Variants in GATA4 observed in about 807,000 individuals in gnomAD.
GATA4 encodes GATA binding protein 4.
A neutral mutation model predicts 37.9 loss-of-function variants in GATA4; 7 were observed. The ratio of observed to expected loss-of-function variants is 0.18; its 90% CI spans 0.11 to 0.35. The LOEUF (loss-of-function observed/expected upper bound fraction) is 0.35, where lower values mean the gene tolerates loss of function less well. GATA4 is among the 10% of genes least tolerant of loss of function. The probability of loss-of-function intolerance (pLI) is 1.00; values close to 1 mark genes in which losing one functional copy is unlikely to be tolerated. For synonymous variants in GATA4, 372 were observed against 292.6 expected (o/e 1.27, Z -2.77); for missense variants, 647 against 653.0 (o/e 0.99, Z 0.10).
At chr8:11,718,684 T>C (rs760547191) in intron 2 of GATA4, among the ~76,000 whole-genome samples, 11 of 152,252 alleles carry the variant, frequency 7.2e-5, no homozygotes, top group African/African-American at 1.4e-4. Context: ...CAGTTTTGCT[T>C]CTTAAAATCT....
intron 1 of GATA4, among the ~76,000 whole-genome samples, chr8:11,694,746 C>T (rs996803268): frequency 6.6e-6 from 1 of 152,172 alleles, no homozygotes; most frequent in Admixed American, 6.5e-5. Flanking sequence ...CCAGTCTTAA[C>T]ATCCATTTTT....
intron 4 of GATA4, among the ~76,000 whole-genome samples, chr8:11,751,218 G>C (rs1441153621): frequency 6.6e-6 from 1 of 152,160 alleles, no homozygotes; most frequent in Non-Finnish European, 1.5e-5. Flanking sequence ...GAATTACAAG[G>C]AGCTTCTACA....
upstream of GATA4, among the ~76,000 whole-genome samples, chr8:11,700,209 CT>C (rs1165992111): frequency 6.6e-6 from 1 of 152,224 alleles, no homozygotes; most frequent in Non-Finnish European, 1.5e-5. Flanking sequence ...GTGCCAGAAA[CT>C]CTGGTCCTCA....
At chr8:11,719,847 T>C (rs1405500973) in intron 2 of GATA4, among the ~76,000 whole-genome samples, 1 of 151,896 alleles carries the variant, frequency 6.6e-6, no homozygotes, top group Non-Finnish European at 1.5e-5. Flanking sequence ...AATGGAAGAG[T>C]TGGGTGTAAA....
upstream of GATA4, among the ~76,000 whole-genome samples, chr8:11,688,503 C>T (rs1293393838): frequency 2.7e-5 from 4 of 149,550 alleles, no homozygotes; most frequent in Non-Finnish European, 5.9e-5. Context: ...AGCACACATG[C>T]ATGCATGCGC....
intron 2 of GATA4, among the ~76,000 whole-genome samples, chr8:11,712,687 C>G (rs1236110914): frequency 8.8e-6 from 1 of 113,818 alleles, no homozygotes; most frequent in Non-Finnish European, 1.7e-5. Context: ...GAGACCACAT[C>G]TCTAAAAAAA....
chr8:11,756,687 G>A (rs1315341265), intron 5 of GATA4: 8 of 574,872 alleles, frequency 1.4e-5, no homozygotes, highest in Non-Finnish European at 1.9e-5. Flanking sequence ...AGTTGAATGA[G>A]GAAGAATCTT....
chr8:11,681,096 C>T, intron 1 of GATA4: 1 of 976,498 alleles, frequency 1.0e-6, no homozygotes, highest in Non-Finnish European at 1.2e-6. Flanking sequence ...ATGGGTGGCG[C>T]CCCAGGCTCG....
chr8:11,708,743 C>A lies in GATA4; in HGVS notation c.431C>A (p.Ala144Glu). ...GGCGGAGCGGCGGGTGCGGGCCTGGCGGGCCGCGAGCAGTACGGGCGCGCC... is the reference window on the plus strand; with the variant it reads ...GGCGGAGCGGCGGGTGCGGGCCTGGAGGGCCGCGAGCAGTACGGGCGCGCC... ...SGGGAAGAGL[A>E]GREQYGRAGF... Residue 144 changes from alanine (A) to glutamate (E), a missense_variant, in exon 2 of 7, where the codon GCG becomes GAG. Coordinates refer to ENST00000532059, the MANE Select transcript of GATA4 (RefSeq NM_001308093.3). The surrounding 1 kb of genome is among the most constrained non-coding windows in gnomAD (Gnocchi z 6.7). 1.5e-6 allele frequency: 2 copies of A among 1,324,450 alleles called. No homozygotes were observed. The highest frequency in any genetic ancestry group is 1.9e-6 in the Non-Finnish European group (2 of 1,044,518). The allele number at this position is 1,324,450 out of a possible 1,614,324, so 82.0% of individuals were successfully genotyped here.
At chr8:11,694,611 A>G (rs1464566635) in intron 1 of GATA4, 1 of 665,168 alleles carries the variant, frequency 1.5e-6, no homozygotes, top group African/African-American at 2.0e-5. Flanking sequence ...CTAAGAGGAA[A>G]CACAATATTT....
chr8:11,717,223 G>A (rs1800472854), intron 2 of GATA4, among the ~76,000 whole-genome samples: 1 of 152,110 alleles, frequency 6.6e-6, no homozygotes, highest in African/African-American at 2.4e-5. Flanking sequence ...AATATAAATG[G>A]GGTTATAATA....
chr8:11,753,329 G>C (rs910389651), intron 4 of GATA4, among the ~76,000 whole-genome samples: 1 of 152,152 alleles, frequency 6.6e-6, no homozygotes, highest in Non-Finnish European at 1.5e-5. Context: ...AATGAGGAGT[G>C]ATGTTTAATG....
At chr8:11,742,359 C>T (rs982956559) in intron 2 of GATA4, among the ~76,000 whole-genome samples, 1 of 151,576 alleles carries the variant, frequency 6.6e-6, no homozygotes, top group Admixed American at 6.6e-5. Context: ...TTCCCCCCTC[C>T]CTCCGTTCTT....
chr8:11,688,862 G>A (rs1017702458), upstream of GATA4, among the ~76,000 whole-genome samples: 4 of 152,178 alleles, frequency 2.6e-5, no homozygotes, highest in African/African-American at 7.2e-5. Flanking sequence ...GATGGGTGAG[G>A]GAACAATGGG....
chr8:11,694,151 A>C (rs191950830), intron 1 of GATA4, among the ~76,000 whole-genome samples: 8 of 152,320 alleles, frequency 5.3e-5, no homozygotes, highest in Non-Finnish European at 1.2e-4. Context: ...GTTTGCGGGT[A>C]GAAACTTGTG....
In GATA4 at chr8:11,708,235, C is replaced by A. The variant is rs181192083; in HGVS notation, c.-78C>A. Reference sequence around the variant, plus strand: ...CTCCCACGCATATTATCGTTGTTGCCGTCGTTTTCTCTCCCCGCGTGGCTC... The same window carrying A: ...CTCCCACGCATATTATCGTTGTTGCAGTCGTTTTCTCTCCCCGCGTGGCTC... On this transcript the variant is annotated 5_prime_UTR_variant, in exon 2 of 7. Transcript: ENST00000532059. This position sits in a 1 kb window ranked among gnomAD's most constrained non-coding sequence, Gnocchi z 6.7. 47 of 1,481,526 alleles carry A rather than the reference C, an allele frequency of 3.2e-5. No individual in the cohort carries two copies. In the African/African-American group the frequency reaches 5.0e-4, roughly 16 times the overall value. The allele number at this position is 1,481,526 out of a possible 1,614,324, so 91.8% of individuals were successfully genotyped here. A position where few individuals can be genotyped will look rare whatever the true frequency, so the allele number is the denominator to read the frequency against.
At chr8:11,743,313 G>C (rs892065141) in intron 2 of GATA4, among the ~76,000 whole-genome samples, 6 of 152,268 alleles carry the variant, frequency 3.9e-5, no homozygotes, top group Non-Finnish European at 7.3e-5. Flanking sequence ...CGCGTATACA[G>C]ACGCATGGCA....
chr8:11,695,807 G>GCGCT (rs1233879757), intron 1 of GATA4, among the ~76,000 whole-genome samples: 5 of 152,164 alleles, frequency 3.3e-5, no homozygotes, highest in African/African-American at 1.2e-4. Context: ...GAGTGCACCG[G>GCGCT]CGCTCGTATG....
At chr8:11,754,285 C>T (rs928871358) in intron 4 of GATA4, among the ~76,000 whole-genome samples, 4 of 152,226 alleles carry the variant, frequency 2.6e-5, no homozygotes, top group South Asian at 2.1e-4. Context: ...GGCACGATCA[C>T]GGCTTGCTGG....
Sources: gnomAD v4.1 joint callset for allele counts (sites outside exome capture counted in the v4.1 genomes callset) on GRCh38, gnomAD v4.1.1 for gene constraint, Gnocchi (gnomAD v3.1) non-coding constraint, MANE v1.5 for transcripts, NCBI Gene and HGNC (gene_info 2026-07-23, HGNC 2026-07-21) for gene names.